The following EGFR variants were observed in gnomAD, a reference collection of about 807,000 sequenced individuals.
EGFR encodes avian erythroblastic leukemia viral (v-erb-b) oncogene homolog.
A neutral mutation model predicts 143.0 loss-of-function variants in EGFR; 58 were observed. That is an observed-to-expected ratio of 0.41 (90% CI 0.33 to 0.50). The LOEUF is 0.50. Among genes scored for constraint, EGFR ranks in the 20% least tolerant of loss-of-function variants. The pLI, the probability that EGFR is intolerant of heterozygous loss-of-function variation, is 0.39. For missense variants in EGFR, 1,307 were observed against 1,579.0 expected (o/e 0.83, Z 2.92); for synonymous variants, 613 against 594.4 (o/e 1.03, Z -0.45).
At chr7:55,166,372 C>T in intron 15 of EGFR, 1 of 551,866 alleles carries the variant, frequency 1.8e-6, no homozygotes, top group East Asian at 3.6e-5. Flanking sequence ...TTCTCTGAAT[C>T]CATCTGTATG....
chr7:55,161,635 G>A lies in EGFR; in HGVS notation c.1631+4G>A, dbSNP rs1584193139. 1 of 1,614,278 alleles carries A rather than the reference G, an allele frequency of 6.2e-7. No homozygotes were observed. Among genetic ancestry groups the A allele is most frequent in the East Asian group, 2.2e-5 (1 of 44,890 alleles). ...ACAAGTGCAACCTTCTGGAGGGGTAGGAGGTTATTTCTTTAATCCCCTTGC... is the reference window on the plus strand; with the variant it reads ...ACAAGTGCAACCTTCTGGAGGGGTAAGAGGTTATTTCTTTAATCCCCTTGC... On this transcript the variant is annotated splice_donor_region_variant and intron_variant, in intron 13 of 27. Coordinates refer to ENST00000275493, the MANE Select transcript of EGFR (RefSeq NM_005228.5).
At chr7:55,094,728 A>C (rs927131328) in intron 1 of EGFR, among the ~76,000 whole-genome samples, 3 of 152,228 alleles carry the variant, frequency 2.0e-5, no homozygotes, top group African/African-American at 4.8e-5. Context: ...AAAAGAAATA[A>C]ATACATAGTG....
intron 1 of EGFR, among the ~76,000 whole-genome samples, chr7:55,101,627 C>T (rs1202262817): frequency 1.3e-5 from 2 of 152,170 alleles, no homozygotes. Context: ...CTGACCTGTC[C>T]GCTTTGTAGT....
chr7:55,200,438 A>G (rs2128970079), intron 24 of EGFR, 25 bp downstream of exon 24: 1 of 1,603,656 alleles, frequency 6.2e-7, no homozygotes, highest in Non-Finnish European at 8.5e-7. Flanking sequence ...CTGTGCTTCC[A>G]TTGGGAAGAG....
At chr7:55,177,827 A>G (rs1786665225) in intron 19 of EGFR, among the ~76,000 whole-genome samples, 1 of 152,208 alleles carries the variant, frequency 6.6e-6, no homozygotes, top group African/African-American at 2.4e-5. Flanking sequence ...ATTGTTGTGG[A>G]ATACCAAGCA....
intron 1 of EGFR, among the ~76,000 whole-genome samples, chr7:55,094,903 G>C (rs891456960): frequency 6.6e-6 from 1 of 152,140 alleles, no homozygotes; most frequent in Non-Finnish European, 1.5e-5. Context: ...GGACCATTTT[G>C]GACCTTGGCA....
chr7:55,030,963 A>C (rs1787211337), intron 1 of EGFR, among the ~76,000 whole-genome samples: 4 of 152,256 alleles, frequency 2.6e-5, no homozygotes, highest in Admixed American at 2.0e-4. Context: ...CTCTCCCAGA[A>C]GAAATTTCAA....
chr7:55,189,661 G>C (rs368299701), intron 20 of EGFR, among the ~76,000 whole-genome samples: 3 of 152,312 alleles, frequency 2.0e-5, no homozygotes, highest in African/African-American at 7.2e-5. Context: ...ATGGGGACTT[G>C]TGTGTGGCTC....
intron 1 of EGFR, among the ~76,000 whole-genome samples, chr7:55,051,971 C>T (rs1788516773): frequency 2.0e-5 from 3 of 152,240 alleles, no homozygotes; most frequent in Non-Finnish European, 4.4e-5. Context: ...AGACTATCAA[C>T]TCCAGGAGGG....
chr7:55,127,176 C>T (rs1401571875), intron 1 of EGFR, among the ~76,000 whole-genome samples: 2 of 152,174 alleles, frequency 1.3e-5, no homozygotes, highest in Non-Finnish European at 2.9e-5. Flanking sequence ...TGGCAGGGCT[C>T]TGCTACCCAA....
At chr7:55,172,098 C>G (rs1163239240) in intron 16 of EGFR, among the ~76,000 whole-genome samples, 1 of 152,230 alleles carries the variant, frequency 6.6e-6, no homozygotes, top group East Asian at 1.9e-4. Flanking sequence ...TTCCCCACTC[C>G]ACACTGCAAT....
intron 1 of EGFR, among the ~76,000 whole-genome samples, chr7:55,046,777 C>T (rs557975773): frequency 1.3e-5 from 2 of 152,266 alleles, no homozygotes; most frequent in South Asian, 4.1e-4. Flanking sequence ...ATTCAGATCA[C>T]CTCTTAAGGC....
intron 22 of EGFR, among the ~76,000 whole-genome samples, chr7:55,195,638 A>G (rs1787582591): frequency 6.6e-6 from 1 of 152,084 alleles, no homozygotes; most frequent in Non-Finnish European, 1.5e-5. Context: ...CCTAGTACCC[A>G]TTAGTTATTT....
intron 1 of EGFR, among the ~76,000 whole-genome samples, chr7:55,094,054 G>A (rs1187140101): frequency 2.6e-5 from 4 of 152,150 alleles, no homozygotes; most frequent in East Asian, 1.9e-4. Flanking sequence ...GAAACCCATT[G>A]TACACAGCTG....
Position 55,148,131 on chromosome 7 carries a change from C to T in EGFR, c.559+1391C>T, listed in dbSNP as rs182345834. 6.5e-4 allele frequency among the ~76,000 whole-genome samples: 99 copies of T among 152,262 alleles called. 1 individual carries two copies. Among genetic ancestry groups the T allele is most frequent in the Non-Finnish European group, 1.1e-3 (74 of 68,028 alleles). On this transcript the variant is annotated intron_variant, in intron 4 of 27. Transcript: ENST00000275493. ...TTTGTTTTATAGACATATTATTCCA[C>T]CAGATACCCATCCTGACACCTACTA...
In EGFR at chr7:55,152,833, C is replaced by T. The variant is rs78896241; in HGVS notation, c.747+169C>T. Among the ~76,000 whole-genome samples, 935 of 152,354 alleles carry T rather than the reference C, an allele frequency of 6.1e-3. 12 individuals carry two copies. Among genetic ancestry groups the T allele is most frequent in the African/African-American group, 0.022 (900 of 41,584 alleles). ...AAGTATCTTTAGTATCCTGCCTCCACCACTCACTGAGACCTTGGGAAAATG... is the reference window on the plus strand; with the variant it reads ...AAGTATCTTTAGTATCCTGCCTCCATCACTCACTGAGACCTTGGGAAAATG... On this transcript the variant is annotated intron_variant, in intron 6 of 27. Transcript: ENST00000275493.
At chr7:55,037,949 G>A (rs1787690419) in intron 1 of EGFR, among the ~76,000 whole-genome samples, 1 of 152,214 alleles carries the variant, frequency 6.6e-6, no homozygotes, top group South Asian at 2.1e-4. Context: ...TTCCACTCCA[G>A]CATTTCCAGT....
At chr7:55,149,707 A>G (rs75044178) in intron 4 of EGFR, among the ~76,000 whole-genome samples, 2,616 of 152,344 alleles carry the variant, frequency 0.017, 80 homozygotes, top group African/African-American at 0.061. Context: ...TGAAAATCAT[A>G]AGAGATGTAG....
chr7:55,191,541 G>T (rs554552047), intron 20 of EGFR, among the ~76,000 whole-genome samples, 178 bp from the exon 21 acceptor site: 11 of 152,266 alleles, frequency 7.2e-5, no homozygotes, highest in African/African-American at 2.4e-4. Context: ...TCAGCAGCGG[G>T]TTACATCTTC....
Sources: gnomAD v4.1 joint callset for allele counts (sites outside exome capture counted in the v4.1 genomes callset) on GRCh38, gnomAD v4.1.1 for gene constraint, MANE v1.5 for transcripts, NCBI Gene and HGNC (gene_info 2026-07-23, HGNC 2026-07-21) for gene names.